FAM135B: variants seen among roughly 807,000 people sequenced by gnomAD.
The protein encoded by FAM135B is protein FAM135B.
Under a neutral mutation model 127.7 loss-of-function variants are expected in FAM135B, and 43 were observed. The observed-to-expected ratio is 0.34, with a 90% CI of 0.26 to 0.43. The LOEUF is 0.43. Among genes scored for constraint, FAM135B ranks in the 20% least tolerant of loss-of-function variants. The probability of loss-of-function intolerance (pLI) is 1.00; values close to 1 mark genes in which losing one functional copy is unlikely to be tolerated. For synonymous variants in FAM135B, 670 were observed against 665.1 expected (o/e 1.01, Z -0.11); for missense variants, 1,558 against 1,725.6 (o/e 0.90, Z 1.72).
chr8:138,370,329 G>A (rs1049705825), intron 1 of FAM135B, among the ~76,000 whole-genome samples: 4 of 152,156 alleles, frequency 2.6e-5, no homozygotes, highest in South Asian at 2.1e-4. Context: ...TGTAAACACA[G>A]ACACAGCTTC....
At chr8:138,332,393 G>T (rs145648141) in intron 2 of FAM135B, among the ~76,000 whole-genome samples, 7 of 152,202 alleles carry the variant, frequency 4.6e-5, no homozygotes, top group Non-Finnish European at 1.0e-4. Flanking sequence ...TACTTTAATG[G>T]ACACTGCACA....
Position 138,497,072 on chromosome 8 carries a change from G to C in FAM135B, c.-421C>G, listed in dbSNP as rs1244887081. ...GCAAGGACCGACCGGCTGCGCCCGCGCCGCTGGGCTGGCGCCTCCCGGGCT... is the reference window on the plus strand; with the variant it reads ...GCAAGGACCGACCGGCTGCGCCCGCCCCGCTGGGCTGGCGCCTCCCGGGCT... On this transcript the variant is annotated 5_prime_UTR_variant, in exon 1 of 20. Transcript: ENST00000395297. Among the ~76,000 whole-genome samples the C allele has an allele frequency of 6.6e-6, 1 of 151,734 alleles. No individual in the cohort carries two copies. Among genetic ancestry groups the C allele is most frequent in the African/African-American group, 2.4e-5 (1 of 41,390 alleles).
chr8:138,328,547 G>T (rs1291578779), intron 2 of FAM135B, among the ~76,000 whole-genome samples: 1 of 152,172 alleles, frequency 6.6e-6, no homozygotes, highest in Non-Finnish European at 1.5e-5. Flanking sequence ...GAACCCTGGG[G>T]AGTTGACCTT....
chr8:138,415,667 C>G (rs1834103541), intron 1 of FAM135B, among the ~76,000 whole-genome samples: 1 of 152,106 alleles, frequency 6.6e-6, no homozygotes, highest in Non-Finnish European at 1.5e-5. Context: ...AGGAGATCAT[C>G]AATAATTTAA....
intron 11 of FAM135B, among the ~76,000 whole-genome samples, chr8:138,174,922 T>G (rs758343961): frequency 3.3e-5 from 5 of 152,210 alleles, no homozygotes; most frequent in Non-Finnish European, 7.3e-5. Context: ...GATAGTGGAT[T>G]TGTCTGTTTT....
intron 9 of FAM135B, among the ~76,000 whole-genome samples, chr8:138,188,651 G>T (rs1156815828): frequency 6.6e-6 from 1 of 152,164 alleles, no homozygotes; most frequent in Non-Finnish European, 1.5e-5. Context: ...ATAAGCCTGG[G>T]ATCTCTCCAC....
chr8:138,162,242 C>T (rs558732348), intron 12 of FAM135B, among the ~76,000 whole-genome samples: 13 of 152,246 alleles, frequency 8.5e-5, no homozygotes, highest in African/African-American at 2.9e-4. Context: ...TGGACTATGG[C>T]AAACCTATGA....
intron 2 of FAM135B, among the ~76,000 whole-genome samples, chr8:138,316,469 G>A (rs954956077): frequency 6.0e-5 from 9 of 150,586 alleles, no homozygotes; most frequent in Admixed American, 6.6e-5. Flanking sequence ...ACTCCCGCCT[G>A]GGCGACAGAA....
chr8:138,167,193 T>C (rs1257583700), intron 12 of FAM135B, among the ~76,000 whole-genome samples: 3 of 152,030 alleles, frequency 2.0e-5, no homozygotes, highest in Non-Finnish European at 2.9e-5. Context: ...TTATTTGTTA[T>C]TATTATTTTT....
chr8:138,240,422 A>G (rs1820661871), intron 7 of FAM135B, among the ~76,000 whole-genome samples: 1 of 152,082 alleles, frequency 6.6e-6, no homozygotes, highest in Non-Finnish European at 1.5e-5. Flanking sequence ...GATGCCCCTC[A>G]CTCCACAGCT....
intron 7 of FAM135B, among the ~76,000 whole-genome samples, chr8:138,230,357 T>G (rs1819819240): frequency 6.6e-6 from 1 of 152,170 alleles, no homozygotes; most frequent in Non-Finnish European, 1.5e-5. Flanking sequence ...GGTGACTCTT[T>G]TACGTCCAAC....
At chr8:138,135,663 T>C (rs530856241) in intron 19 of FAM135B, among the ~76,000 whole-genome samples, 137 of 152,244 alleles carry the variant, frequency 9.0e-4, no homozygotes, top group Non-Finnish European at 1.5e-3. Context: ...CCTCCAATAA[T>C]ACCACTACTA....
chr8:138,377,128 C>T (rs1333698611), intron 1 of FAM135B, among the ~76,000 whole-genome samples: 1 of 152,100 alleles, frequency 6.6e-6, no homozygotes, highest in South Asian at 2.1e-4. Flanking sequence ...TTTTGAAATG[C>T]AATTTTTCTT....
Position 138,242,800 on chromosome 8 carries a change from GGTGGGAAGATGGT to G in FAM135B, c.669+129_669+141del. 9.4e-7 allele frequency: 1 copy of G among 1,063,892 alleles called. No individual in the cohort carries two copies. Among genetic ancestry groups the G allele is most frequent in the South Asian group, 1.8e-5 (1 of 55,338 alleles). 65.9% of individuals were successfully genotyped at this position (1,063,892 alleles called of 1,614,324 possible). A position where few individuals can be genotyped will look rare whatever the true frequency, so the allele number is the denominator to read the frequency against. On this transcript the variant is annotated intron_variant, in intron 7 of 19. Coordinates refer to ENST00000395297, the MANE Select transcript of FAM135B (RefSeq NM_015912.4). This position sits in a 1 kb window ranked among gnomAD's most constrained non-coding sequence, Gnocchi z 9.6. Reference sequence around the variant, plus strand: ...AGAGCTTGTAGTGATAAAAACAAGGGGTGGGAAGATGGTGAAAGGAAGGGTCAAATTAGCAAAA... The same window carrying G: ...AGAGCTTGTAGTGATAAAAACAAGGGGAAAGGAAGGGTCAAATTAGCAAAA...
At chr8:138,486,563 G>C (rs1814992408) in intron 1 of FAM135B, among the ~76,000 whole-genome samples, 1 of 152,098 alleles carries the variant, frequency 6.6e-6, no homozygotes, top group African/African-American at 2.4e-5. Flanking sequence ...AGAAATACTT[G>C]GGAGGATACG....
At chr8:138,381,267 C>T (rs1306229902) in intron 1 of FAM135B, among the ~76,000 whole-genome samples, 1 of 152,174 alleles carries the variant, frequency 6.6e-6, no homozygotes, top group Non-Finnish European at 1.5e-5. Flanking sequence ...CAAAGTGCTC[C>T]ACTACCTCTA....
At chr8:138,268,949 G>C (rs531891501) in intron 3 of FAM135B, among the ~76,000 whole-genome samples, 2 of 152,178 alleles carry the variant, frequency 1.3e-5, no homozygotes, top group African/African-American at 4.8e-5. Flanking sequence ...GGGGAAAAAA[G>C]AGATGAAAAG....
chr8:138,385,276 T>C (rs1832121943), intron 1 of FAM135B, among the ~76,000 whole-genome samples: 1 of 152,160 alleles, frequency 6.6e-6, no homozygotes, highest in Admixed American at 6.5e-5. Flanking sequence ...TTATGATAGT[T>C]GGGGTATCAA....
intron 9 of FAM135B, among the ~76,000 whole-genome samples, chr8:138,182,686 G>T (rs1046042705): frequency 6.6e-6 from 1 of 152,204 alleles, no homozygotes; most frequent in African/African-American, 2.4e-5. Flanking sequence ...GTCATGGAAG[G>T]CTTCCTGGAG....
Sources: gnomAD v4.1 joint callset for allele counts (sites outside exome capture counted in the v4.1 genomes callset) on GRCh38, gnomAD v4.1.1 for gene constraint, Gnocchi (gnomAD v3.1) non-coding constraint, MANE v1.5 for transcripts, NCBI Gene and HGNC (gene_info 2026-07-23, HGNC 2026-07-21) for gene names.